The following CRPPA variants were observed in gnomAD, a reference collection of about 807,000 sequenced individuals.
CRPPA encodes D-ribitol-5-phosphate cytidylyltransferase.
CRPPA carries 43 observed loss-of-function variants against 52.0 expected under a neutral mutation model. The ratio of observed to expected loss-of-function variants is 0.83; its 90% CI spans 0.65 to 1.07. The LOEUF is 1.07. Among genes scored for constraint, CRPPA ranks in the 50% least tolerant of loss-of-function variants. The pLI, the probability that CRPPA is intolerant of heterozygous loss-of-function variation, is 0.00. For missense variants in CRPPA, 629 were observed against 551.7 expected, an observed-to-expected ratio of 1.14 and a Z score of -1.40; for synonymous variants, 250 against 203.5, an observed-to-expected ratio of 1.23 and a Z score of -1.94.
At chr7:16,401,380 A>G (rs1787814274) in intron 2 of CRPPA, among the ~76,000 whole-genome samples, 1 of 152,218 alleles carries the variant, frequency 6.6e-6, no homozygotes, top group Admixed American at 6.5e-5. Flanking sequence ...GAATGGTCAG[A>G]GGAAAAATTA....
At chr7:16,289,884 C>T (rs1323334424) in intron 5 of CRPPA, among the ~76,000 whole-genome samples, 2 of 152,026 alleles carry the variant, frequency 1.3e-5, no homozygotes, top group Non-Finnish European at 2.9e-5. Flanking sequence ...AATTAAATTG[C>T]TGTTCTATCA....
chr7:16,170,078 A>C (rs1781146977), intron 9 of CRPPA, among the ~76,000 whole-genome samples: 1 of 152,228 alleles, frequency 6.6e-6, no homozygotes, highest in African/African-American at 2.4e-5. Flanking sequence ...CCTAAATAAA[A>C]GACGATTATA....
At chr7:16,416,218 A>G (rs1012037957) in intron 1 of CRPPA, among the ~76,000 whole-genome samples, 1 of 152,208 alleles carries the variant, frequency 6.6e-6, no homozygotes, top group African/African-American at 2.4e-5. Context: ...CCAATGGAAC[A>G]GAACAGAGAA....
chr7:16,365,837 T>C (rs1786575788), intron 3 of CRPPA, among the ~76,000 whole-genome samples: 1 of 152,164 alleles, frequency 6.6e-6, no homozygotes, highest in South Asian at 2.1e-4. Context: ...ATTTGTAATG[T>C]GTAAGACCAA....
At chr7:16,387,332 G>A (rs918652405) in intron 2 of CRPPA, among the ~76,000 whole-genome samples, 1 of 151,634 alleles carries the variant, frequency 6.6e-6, no homozygotes, top group Admixed American at 6.6e-5. Flanking sequence ...CTGGAATTAA[G>A]GTAGTAAATT....
chr7:16,370,571 C>T (rs772394171), intron 3 of CRPPA, among the ~76,000 whole-genome samples: 9 of 152,100 alleles, frequency 5.9e-5, no homozygotes, highest in Non-Finnish European at 8.8e-5. Context: ...AGGGAGAGGG[C>T]ACTACATCAA....
chr7:16,375,402 A>C (rs781194992), intron 3 of CRPPA, among the ~76,000 whole-genome samples: 1 of 152,232 alleles, frequency 6.6e-6, no homozygotes, highest in Admixed American at 6.5e-5. Context: ...CAATAAAATT[A>C]TGTAAGTACA....
chr7:16,322,986 T>C (rs1420162314), intron 3 of CRPPA, among the ~76,000 whole-genome samples: 1 of 151,894 alleles, frequency 6.6e-6, no homozygotes, highest in Non-Finnish European at 1.5e-5. Context: ...AACCATCATA[T>C]CTCATGAGAC....
At chr7:16,111,568 A>G (rs1349476646) in intron 9 of CRPPA, among the ~76,000 whole-genome samples, 1 of 152,242 alleles carries the variant, frequency 6.6e-6, no homozygotes, top group African/African-American at 2.4e-5. Context: ...TGCAGTACAT[A>G]TACAGAACAG....
chr7:16,354,078 A>G (rs1786233582), intron 3 of CRPPA, among the ~76,000 whole-genome samples: 3 of 152,150 alleles, frequency 2.0e-5, no homozygotes, highest in Admixed American at 2.0e-4. Flanking sequence ...TAAACCTGAT[A>G]GAAAAAAAAA....
chr7:16,389,928 A>AAAATATAT, intron 2 of CRPPA, among the ~76,000 whole-genome samples: 3 of 29,754 alleles, frequency 1.0e-4, no homozygotes, highest in African/African-American at 5.2e-4. Context: ...AAAAAAAAAA[A>AAAATATAT]ATATATATAT....
chr7:16,279,656 C>T (rs1419662515), intron 5 of CRPPA, among the ~76,000 whole-genome samples: 1 of 152,154 alleles, frequency 6.6e-6, no homozygotes, highest in Non-Finnish European at 1.5e-5. Context: ...CTCTATAATA[C>T]AATGAGCTAG....
chr7:16,254,812 AG>A, intron 8 of CRPPA, among the ~76,000 whole-genome samples: 1 of 147,178 alleles, frequency 6.8e-6, no homozygotes, highest in African/African-American at 2.5e-5. Flanking sequence ...AAAGAAAGAA[AG>A]AAAGAAAGAA....
Position 16,318,677 on chromosome 7 carries a change from A to T in CRPPA, c.685-10050T>A, listed in dbSNP as rs556164919. Among the ~76,000 whole-genome samples the T allele has an allele frequency of 2.0e-5, 3 of 152,272 alleles. No homozygotes were observed. In the East Asian group the frequency reaches 5.8e-4, roughly 30 times the overall value. On this transcript the variant is annotated intron_variant, in intron 3 of 9. Coordinates refer to ENST00000407010, the MANE Select transcript of CRPPA (RefSeq NM_001101426.4). ...TGGAGGGGCAGCAACCAACCAGACC[A>T]TGCCTTCCTTAAGGCAATAAAAGTA...
chr7:16,399,794 C>T (rs543191604), intron 2 of CRPPA, among the ~76,000 whole-genome samples: 3 of 152,138 alleles, frequency 2.0e-5, no homozygotes, highest in Non-Finnish European at 4.4e-5. Context: ...GGCACGTGAC[C>T]AACACGTGAC....
At chr7:16,372,070 G>C (rs928067116) in intron 3 of CRPPA, among the ~76,000 whole-genome samples, 1 of 152,200 alleles carries the variant, frequency 6.6e-6, no homozygotes, top group East Asian at 1.9e-4. Flanking sequence ...ACCAACCTAA[G>C]AATAATTGGT....
chr7:16,191,208 C>T (rs184539324), intron 9 of CRPPA, among the ~76,000 whole-genome samples: 1 of 152,196 alleles, frequency 6.6e-6, no homozygotes, highest in Admixed American at 6.6e-5. Flanking sequence ...AACCAGCAAT[C>T]TTACTCTCAT....
At chr7:16,302,653 A>G (rs889360939) in intron 4 of CRPPA, among the ~76,000 whole-genome samples, 1 of 152,160 alleles carries the variant, frequency 6.6e-6, no homozygotes, top group African/African-American at 2.4e-5. Context: ...AGCACACAGA[A>G]GCACAATCAA....
intron 9 of CRPPA, among the ~76,000 whole-genome samples, chr7:16,097,959 C>A (rs1781968217): frequency 6.6e-6 from 1 of 152,204 alleles, no homozygotes; most frequent in Non-Finnish European, 1.5e-5. Context: ...TACTAACTGT[C>A]CCTTTCAATT....
Sources: allele counts gnomAD v4.1 joint callset (sites outside exome capture counted in the v4.1 genomes callset), GRCh38; gene constraint gnomAD v4.1.1; transcripts MANE v1.5; gene names NCBI Gene and HGNC (gene_info 2026-07-23, HGNC 2026-07-21).